CDH18: variants seen among roughly 807,000 people sequenced by gnomAD.
CDH18 encodes cadherin-18.
A neutral mutation model predicts 67.9 loss-of-function variants in CDH18; 31 were observed. That is an observed-to-expected ratio of 0.46 (90% CI 0.34 to 0.62). The LOEUF is 0.62. Ranked by LOEUF, CDH18 falls within the 20% of genes least tolerant of loss-of-function variation. The pLI, the probability that CDH18 is intolerant of heterozygous loss-of-function variation, is 0.01. For missense variants in CDH18, 890 were observed against 975.5 expected (o/e 0.91, Z 1.17); for synonymous variants, 362 against 347.2 (o/e 1.04, Z -0.48).
intron 2 of CDH18, among the ~76,000 whole-genome samples, chr5:19,949,930 A>C (rs1795626430): frequency 6.6e-6 from 1 of 151,686 alleles, no homozygotes; most frequent in Non-Finnish European, 1.5e-5. Context: ...AAAATACGGA[A>C]CCAGCCCAAA....
chr5:19,824,848 C>G (rs1367277066), intron 3 of CDH18, among the ~76,000 whole-genome samples: 3 of 152,154 alleles, frequency 2.0e-5, no homozygotes, highest in Non-Finnish European at 4.4e-5. Context: ...GCTTCTGGCC[C>G]AGTGTCCTTG....
chr5:19,919,463 C>T (rs1388318072), intron 2 of CDH18, among the ~76,000 whole-genome samples: 1 of 152,060 alleles, frequency 6.6e-6, no homozygotes, highest in Non-Finnish European at 1.5e-5. Flanking sequence ...TGGACTAAGC[C>T]CATAACCTGT....
At chr5:19,702,867 C>T (rs540235737) in intron 5 of CDH18, among the ~76,000 whole-genome samples, 2 of 152,232 alleles carry the variant, frequency 1.3e-5, no homozygotes, top group East Asian at 1.9e-4. Context: ...CCTGGCCCAC[C>T]CAGGGCAGAA....
chr5:19,515,641 G>T (rs908564857), intron 10 of CDH18, among the ~76,000 whole-genome samples: 12 of 151,990 alleles, frequency 7.9e-5, no homozygotes, highest in Non-Finnish European at 1.0e-4. Flanking sequence ...TCATGATTTG[G>T]CCTTTTGTTT....
chr5:19,760,372 C>T (rs1344664634), intron 3 of CDH18, among the ~76,000 whole-genome samples: 3 of 152,152 alleles, frequency 2.0e-5, no homozygotes, highest in Admixed American at 6.5e-5. Context: ...GACTAATCCA[C>T]TCCACGATCC....
At chr5:20,300,162 T>G (rs1747852883) in intron 1 of CDH18, among the ~76,000 whole-genome samples, 1 of 152,090 alleles carries the variant, frequency 6.6e-6, no homozygotes, top group Admixed American at 6.6e-5. Flanking sequence ...AATCTTAGTT[T>G]AAAGAGGAAG....
chr5:19,736,960 T>C (rs1054723823), intron 4 of CDH18, among the ~76,000 whole-genome samples: 8 of 152,154 alleles, frequency 5.3e-5, no homozygotes, highest in Admixed American at 2.0e-4. Context: ...ACTCAGAGGA[T>C]TTCAAGAAGA....
chr5:19,908,777 A>G (rs1790805601), intron 2 of CDH18, among the ~76,000 whole-genome samples: 1 of 152,182 alleles, frequency 6.6e-6, no homozygotes, highest in African/African-American at 2.4e-5. Context: ...GATTAAATTA[A>G]TTATATTTTA....
chr5:19,681,647 T>C (rs1173533549), intron 5 of CDH18, among the ~76,000 whole-genome samples: 4 of 151,962 alleles, frequency 2.6e-5, no homozygotes, highest in African/African-American at 4.8e-5. Flanking sequence ...AAATGACCCC[T>C]TGATGTTGAG....
intron 1 of CDH18, among the ~76,000 whole-genome samples, chr5:20,500,785 A>G (rs1254405685): frequency 6.6e-6 from 1 of 152,210 alleles, no homozygotes; most frequent in Admixed American, 6.5e-5. Context: ...GTGTTGACAT[A>G]TAATTCCAAG....
At chr5:19,987,430 G>A (rs996991823) in intron 1 of CDH18, among the ~76,000 whole-genome samples, 2 of 151,964 alleles carry the variant, frequency 1.3e-5, no homozygotes, top group African/African-American at 2.4e-5. Context: ...CTGATCACAG[G>A]AGCCTACCTA....
At chr5:19,569,351 G>T (rs1175991264) in intron 8 of CDH18, among the ~76,000 whole-genome samples, 2 of 151,966 alleles carry the variant, frequency 1.3e-5, no homozygotes, top group Non-Finnish European at 2.9e-5. Context: ...TCAGCTCATT[G>T]CCTCCAGAAA....
chr5:19,785,985 G>GA (rs1775735162), intron 3 of CDH18, among the ~76,000 whole-genome samples: 1 of 151,478 alleles, frequency 6.6e-6, no homozygotes, highest in Non-Finnish European at 1.5e-5. Flanking sequence ...AATAAAATTA[G>GA]GCCAACTATT....
At chr5:20,104,450 A>C (rs1746752161) in intron 2 of CDH18, among the ~76,000 whole-genome samples, 2 of 152,150 alleles carry the variant, frequency 1.3e-5, no homozygotes, top group Non-Finnish European at 2.9e-5. Flanking sequence ...AGAGAACAAG[A>C]GTATATCGAA....
chr5:20,225,499 A>G (rs1267334962), intron 2 of CDH18, among the ~76,000 whole-genome samples: 1 of 152,098 alleles, frequency 6.6e-6, no homozygotes, highest in Non-Finnish European at 1.5e-5. Context: ...CCCCGTATAC[A>G]GACACACATT....
intron 12 of CDH18, among the ~76,000 whole-genome samples, chr5:19,481,223 C>T (rs1166837302): frequency 6.6e-6 from 1 of 152,144 alleles, no homozygotes; most frequent in East Asian, 1.9e-4. Flanking sequence ...TATCTCTCTA[C>T]ATATATTCTC....
intron 1 of CDH18, among the ~76,000 whole-genome samples, chr5:20,439,386 C>T (rs1352789630): frequency 6.6e-6 from 1 of 151,444 alleles, no homozygotes; most frequent in Admixed American, 6.6e-5. Context: ...TTTTTGAGGT[C>T]CTCTGAAATG....
chr5:20,330,317 C>A (rs1561977374), intron 1 of CDH18, among the ~76,000 whole-genome samples: 1 of 151,996 alleles, frequency 6.6e-6, no homozygotes, highest in African/African-American at 2.4e-5. Flanking sequence ...CAGTAGGTAG[C>A]TAGTTAGACA....
chr5:19,514,192 T>C (rs1230208687), intron 10 of CDH18, among the ~76,000 whole-genome samples: 2 of 152,238 alleles, frequency 1.3e-5, no homozygotes, highest in Non-Finnish European at 2.9e-5. Flanking sequence ...TTTTTATGGC[T>C]GCATAGTATT....
Sources: gnomAD v4.1 joint callset for allele counts (sites outside exome capture counted in the v4.1 genomes callset) on GRCh38, gnomAD v4.1.1 for gene constraint, MANE v1.5 for transcripts, NCBI Gene and HGNC (gene_info 2026-07-23, HGNC 2026-07-21) for gene names.